The following BABAM2 variants were observed in gnomAD, a reference collection of about 807,000 sequenced individuals.
The protein encoded by BABAM2 is BRISC and BRCA1 A complex member 2, also known as BRISC and BRCA1-A complex member 2.
In BABAM2, 31 loss-of-function variants were observed where a neutral mutation model predicts 54.7. That is an observed-to-expected ratio of 0.57 (90% CI 0.43 to 0.77). BABAM2 has a LOEUF of 0.77. Ranked by LOEUF, BABAM2 falls within the 30% of genes least tolerant of loss-of-function variation. The pLI is 0.00. For synonymous variants in BABAM2, 167 were observed against 162.9 expected (o/e 1.03, Z -0.19); for missense variants, 364 against 455.8 (o/e 0.80, Z 1.83).
chr2:28,183,751 A>ACACACACACG (rs1212351489), intron 7 of BABAM2, among the ~76,000 whole-genome samples: 54 of 151,864 alleles, frequency 3.6e-4, no homozygotes, highest in Middle Eastern at 6.8e-3. Flanking sequence ...ACACACACAC[A>ACACACACACG]CACACACACA....
At chr2:27,989,118 TA>T (rs1304639691) in intron 4 of BABAM2, among the ~76,000 whole-genome samples, 1 of 151,996 alleles carries the variant, frequency 6.6e-6, no homozygotes, top group Non-Finnish European at 1.5e-5. Flanking sequence ...TTTTTTTAAT[TA>T]AAAAAATCTG....
rs370484850 is a variant in BABAM2 at position 28,282,997 on chromosome 2, CAAAAAAAAA to C, written c.935-15328_935-15320del. 1.7e-4 allele frequency among the ~76,000 whole-genome samples: 12 copies of C among 71,936 alleles called. No homozygotes were observed. The South Asian group carries it at 6.5e-3, about 39-fold the overall frequency. The allele number at this position is 71,936 out of a possible 152,430, so 47.2% of individuals were successfully genotyped here. Reference sequence around the variant, plus strand: ...CAGGCAGCAGAGCGAGACTCCGTCCCAAAAAAAAAAAAAAAAAAAAAGGAATGAAAACAA... The same window carrying C: ...CAGGCAGCAGAGCGAGACTCCGTCCCAAAAAAAAAAAAGGAATGAAAACAA... On this transcript the variant is annotated intron_variant, in intron 10 of 11. Coordinates refer to ENST00000379624, the MANE Select transcript of BABAM2 (RefSeq NM_199191.3).
chr2:28,147,010 C>CT (rs1393504668), intron 7 of BABAM2, among the ~76,000 whole-genome samples: 3 of 152,170 alleles, frequency 2.0e-5, no homozygotes, highest in Non-Finnish European at 4.4e-5. Context: ...ATTCCGTAGT[C>CT]TTTTTGGAGA....
intron 5 of BABAM2, among the ~76,000 whole-genome samples, chr2:28,029,731 TA>T: frequency 6.6e-6 from 1 of 152,316 alleles, no homozygotes; most frequent in East Asian, 1.9e-4. Context: ...GTGGGATTGC[TA>T]GATTATATAT....
chr2:28,061,987 G>T (rs140869486), intron 6 of BABAM2, among the ~76,000 whole-genome samples: 1 of 152,084 alleles, frequency 6.6e-6, no homozygotes, highest in Non-Finnish European at 1.5e-5. Flanking sequence ...GGCCAGGTGC[G>T]GTGGCTCACG....
At chr2:27,964,923 T>C (rs183426230) in intron 3 of BABAM2, among the ~76,000 whole-genome samples, 35 of 152,334 alleles carry the variant, frequency 2.3e-4, no homozygotes, top group Middle Eastern at 3.4e-3. Flanking sequence ...TAATAATTGA[T>C]GTTGTCCTCT....
Position 28,212,230 on chromosome 2 carries a change from A to G in BABAM2, c.681-24972A>G, listed in dbSNP as rs1024347513. ...TTAAGGAAATATAAACATTTTACAA[A>G]TTTCATTTCAGCCATTCATTTATTC... is the stretch of plus-strand genomic sequence containing the variant. On this transcript the variant is annotated intron_variant, in intron 7 of 11. Coordinates refer to ENST00000379624, the MANE Select transcript of BABAM2 (RefSeq NM_199191.3). 2.0e-5 allele frequency among the ~76,000 whole-genome samples: 3 copies of G among 152,304 alleles called. No individual in the cohort carries two copies. In the East Asian group the frequency reaches 5.8e-4, roughly 29 times the overall value.
In BABAM2 at chr2:28,304,663, C is replaced by T. The variant is rs891956965; in HGVS notation, c.1088+6172C>T. ...ATTATCTTGGCTCACTGCAACCTCA[C>T]CTCCCAGGTTCTAGCAATTCTCCTG... On this transcript the variant is annotated intron_variant, in intron 11 of 11. Coordinates refer to ENST00000379624, the MANE Select transcript of BABAM2 (RefSeq NM_199191.3). The surrounding 1 kb of genome is among the most constrained non-coding windows in gnomAD (Gnocchi z 4.0). Among the ~76,000 whole-genome samples, 6 of 152,086 alleles carry T rather than the reference C, an allele frequency of 3.9e-5. 1 individual carries two copies. Among genetic ancestry groups the T allele is most frequent in the Admixed American group, 3.9e-4 (6 of 15,258 alleles).
intron 11 of BABAM2, among the ~76,000 whole-genome samples, chr2:28,326,208 C>T (rs1320237270): frequency 1.3e-5 from 2 of 152,206 alleles, no homozygotes; most frequent in Admixed American, 6.5e-5. Context: ...ATCCGACAGG[C>T]GGCCCACTTT....
intron 11 of BABAM2, among the ~76,000 whole-genome samples, chr2:28,303,741 A>G (rs558365143): frequency 1.3e-5 from 2 of 152,130 alleles, no homozygotes; most frequent in Non-Finnish European, 2.9e-5. Flanking sequence ...CTGCTGATCA[A>G]CAAGGGAAGA....
At chr2:28,080,945 T>C (rs770801765) in intron 6 of BABAM2, among the ~76,000 whole-genome samples, 5 of 152,182 alleles carry the variant, frequency 3.3e-5, no homozygotes, top group Non-Finnish European at 7.4e-5. Flanking sequence ...CTAAGAACAT[T>C]AAGAACCTTC....
At chr2:27,936,249 T>C (rs1284098282) in intron 3 of BABAM2, among the ~76,000 whole-genome samples, 1 of 152,126 alleles carries the variant, frequency 6.6e-6, no homozygotes, top group Non-Finnish European at 1.5e-5. Context: ...TCAGGTATTA[T>C]CCCATCTCAC....
intron 3 of BABAM2, among the ~76,000 whole-genome samples, chr2:27,940,890 C>T (rs555072791): frequency 4.7e-4 from 72 of 152,328 alleles, no homozygotes; most frequent in African/African-American, 1.7e-3. Flanking sequence ...TCTCCTGCAA[C>T]ATATTCTATT....
chr2:27,940,522 A>T (rs189241498), intron 3 of BABAM2, among the ~76,000 whole-genome samples: 93 of 152,342 alleles, frequency 6.1e-4, no homozygotes, highest in African/African-American at 2.1e-3. Flanking sequence ...ACAGAACTTA[A>T]TTCTGCCAGT....
At chr2:27,890,139 C>T, upstream of BABAM2, 1 of 875,458 alleles carries the variant, frequency 1.1e-6, no homozygotes, top group South Asian at 1.6e-5. This position sits in a 1 kb window ranked among gnomAD's most constrained non-coding sequence, Gnocchi z 4.8. Flanking sequence ...GCAGCTCATA[C>T]CCAAAGCTAG....
intron 3 of BABAM2, among the ~76,000 whole-genome samples, chr2:27,979,907 G>A (rs1406582518): frequency 6.6e-6 from 1 of 152,148 alleles, no homozygotes; most frequent in Non-Finnish European, 1.5e-5. Context: ...TCTGGTAAGT[G>A]AGCCTTCCTG....
At chr2:27,912,249 T>G (rs1468687711) in intron 2 of BABAM2, among the ~76,000 whole-genome samples, 1 of 149,488 alleles carries the variant, frequency 6.7e-6, no homozygotes, top group Non-Finnish European at 1.5e-5. Flanking sequence ...TCCTTATTCT[T>G]TTTTTTTTTC....
chr2:28,299,957 G>A (rs1472902692), intron 11 of BABAM2, among the ~76,000 whole-genome samples: 1 of 151,180 alleles, frequency 6.6e-6, no homozygotes, highest in Non-Finnish European at 1.5e-5. Flanking sequence ...ATTTTATTTT[G>A]CGACAGAATC....
intron 6 of BABAM2, among the ~76,000 whole-genome samples, chr2:28,073,977 A>G (rs1664412428): frequency 6.6e-6 from 1 of 152,120 alleles, no homozygotes; most frequent in African/African-American, 2.4e-5. Context: ...ATATATTTAC[A>G]TATACATAGA....
Sources: allele counts gnomAD v4.1 joint callset (sites outside exome capture counted in the v4.1 genomes callset), GRCh38; gene constraint gnomAD v4.1.1; non-coding constraint Gnocchi (gnomAD v3.1); transcripts MANE v1.5; gene names NCBI Gene and HGNC (gene_info 2026-07-23, HGNC 2026-07-21).